The following DOCK3 variants were observed in gnomAD, a reference collection of about 807,000 sequenced individuals.
DOCK3 encodes dedicator of cytokinesis 3, also known as dedicator of cytokinesis protein 3.
In DOCK3, 60 loss-of-function variants were observed where a neutral mutation model predicts 265.6. The ratio of observed to expected loss-of-function variants is 0.23; its 90% CI spans 0.18 to 0.28. The LOEUF (loss-of-function observed/expected upper bound fraction) is 0.28, where lower values mean the gene tolerates loss of function less well. DOCK3 is among the 10% of genes least tolerant of loss of function. The probability of loss-of-function intolerance (pLI) is 1.00; values close to 1 mark genes in which losing one functional copy is unlikely to be tolerated. For missense variants in DOCK3, 1,981 were observed against 2,594.3 expected (o/e 0.76, Z 5.14); for synonymous variants, 881 against 938.0 (o/e 0.94, Z 1.11).
At chr3:50,739,855 C>A (rs1395272612) in intron 1 of DOCK3, among the ~76,000 whole-genome samples, 1 of 152,158 alleles carries the variant, frequency 6.6e-6, no homozygotes, top group Non-Finnish European at 1.5e-5. Flanking sequence ...TATCAATTCA[C>A]CTTGACATTA....
At chr3:51,115,863 G>A (rs2083712567) in intron 9 of DOCK3, among the ~76,000 whole-genome samples, 2 of 152,084 alleles carry the variant, frequency 1.3e-5, no homozygotes, top group Admixed American at 1.3e-4. Context: ...TCTGCATATG[G>A]CTAGCCAGTT....
intron 32 of DOCK3, among the ~76,000 whole-genome samples, chr3:51,324,149 A>G (rs2083927487): frequency 6.6e-6 from 1 of 152,186 alleles, no homozygotes; most frequent in South Asian, 2.1e-4. Context: ...CTGTTTGCAG[A>G]TGACATGATT....
At chr3:51,193,982 GAGATACA>G (rs767856149) in intron 12 of DOCK3, among the ~76,000 whole-genome samples, 3 of 151,552 alleles carry the variant, frequency 2.0e-5, no homozygotes, top group Non-Finnish European at 4.4e-5. Context: ...TTAGTTCCTT[GAGATACA>G]TTGTTAGATT....
chr3:50,819,146 T>C (rs2044260922), intron 2 of DOCK3, among the ~76,000 whole-genome samples: 1 of 152,232 alleles, frequency 6.6e-6, no homozygotes, highest in Non-Finnish European at 1.5e-5. Flanking sequence ...TAATCTAGAA[T>C]TGAGTTTTGT....
intron 1 of DOCK3, among the ~76,000 whole-genome samples, chr3:50,766,603 A>G (rs1191971309): frequency 2.6e-5 from 4 of 152,178 alleles, no homozygotes; most frequent in Non-Finnish European, 5.9e-5. Flanking sequence ...GTGTCTTTAT[A>G]GCAGCATGAT....
At chr3:50,999,663 A>G (rs2078404633) in intron 5 of DOCK3, among the ~76,000 whole-genome samples, 1 of 152,168 alleles carries the variant, frequency 6.6e-6, no homozygotes, top group African/African-American at 2.4e-5. Flanking sequence ...TTTGGTGTTC[A>G]ATAGGAATCT....
chr3:50,861,286 C>T (rs1268894919), intron 3 of DOCK3, among the ~76,000 whole-genome samples: 1 of 152,048 alleles, frequency 6.6e-6, no homozygotes, highest in Non-Finnish European at 1.5e-5. Context: ...TATTTACTCA[C>T]CCCTTTTGTT....
At chr3:51,341,176 G>C in intron 37 of DOCK3, 61 bp from the exon 38 acceptor site, 5 of 1,506,102 alleles carry the variant, frequency 3.3e-6, no homozygotes, top group Non-Finnish European at 4.4e-6. Flanking sequence ...CTGACACCAG[G>C]CTGCTCCTGG....
chr3:50,722,756 C>G (rs1238864646), intron 1 of DOCK3, among the ~76,000 whole-genome samples: 2 of 130,214 alleles, frequency 1.5e-5, no homozygotes, highest in Admixed American at 9.1e-5. Context: ...TGGGGAATTT[C>G]TTTCTTTTTC....
intron 5 of DOCK3, among the ~76,000 whole-genome samples, chr3:50,945,366 A>G (rs1298178828): frequency 6.6e-6 from 1 of 152,090 alleles, no homozygotes; most frequent in Non-Finnish European, 1.5e-5. Flanking sequence ...ATACTTTAGT[A>G]TTTAGTATAA....
At chr3:51,089,188 A>C in intron 7 of DOCK3, 55 bp from the exon 8 acceptor site, 1 of 1,552,014 alleles carries the variant, frequency 6.4e-7, no homozygotes, top group Non-Finnish European at 8.7e-7. Context: ...AAAGTTCTTA[A>C]TAAAATTTAG....
At position 51,090,282 on chromosome 3, in the gene DOCK3, A is replaced by G. The variant is rs1214172982; in HGVS notation, c.644A>G (p.His215Arg). The G allele has an allele frequency of 1.2e-6, 2 of 1,600,280 alleles. No homozygotes were observed. The highest frequency in any genetic ancestry group is 1.7e-5 in the Admixed American group (1 of 58,028). ...HGETCRMPVP[H>R]HFFLSLKSFT... Reference sequence around the variant, plus strand: ...GAAACATGTCGGATGCCAGTGCCACATCACTTCTTCCTCAGCCTGAAGAGT... The same window carrying G: ...GAAACATGTCGGATGCCAGTGCCACGTCACTTCTTCCTCAGCCTGAAGAGT... Residue 215 changes from histidine (H) to arginine (R), a missense_variant, in exon 9 of 53, where the codon CAT (histidine) becomes CGT (arginine). Around this residue, in one of 4 missense-constraint regions of DOCK3, gnomAD observed 456 missense variants for 539.0 expected, o/e 0.85. Coordinates refer to ENST00000266037, the MANE Select transcript of DOCK3 (RefSeq NM_004947.5).
chr3:50,983,976 T>C (rs922390537), intron 5 of DOCK3, among the ~76,000 whole-genome samples: 3 of 152,188 alleles, frequency 2.0e-5, no homozygotes, highest in Admixed American at 2.0e-4. Flanking sequence ...GGAAGCTGCT[T>C]GTGGTGCACC....
At chr3:50,721,531 C>T (rs781175080) in intron 1 of DOCK3, among the ~76,000 whole-genome samples, 3 of 152,112 alleles carry the variant, frequency 2.0e-5, no homozygotes, top group Non-Finnish European at 4.4e-5. Flanking sequence ...GCTGTCTATT[C>T]TGTTCAATTT....
intron 7 of DOCK3, among the ~76,000 whole-genome samples, chr3:51,080,978 T>C (rs1445392777): frequency 6.6e-6 from 1 of 152,120 alleles, no homozygotes; most frequent in Admixed American, 6.6e-5. Flanking sequence ...TTCTATATGA[T>C]GTTTTGCCCA....
intron 31 of DOCK3, 47 bp downstream of exon 31, chr3:51,312,949 A>G (rs767528256): frequency 2.7e-5 from 41 of 1,516,712 alleles, no homozygotes; most frequent in Admixed American, 1.2e-4. Context: ...TGCATAGCCA[A>G]ATAGAAAGTA....
chr3:50,738,302 C>T lies in DOCK3; in HGVS notation c.38-40373C>T, dbSNP rs554975477. ...AGCCTGGTGCTGGAGTTACCAGGCA[C>T]CAAACTGGCAATTGGAGCCTGAAAG... On this transcript the variant is annotated intron_variant, in intron 1 of 52. Coordinates refer to ENST00000266037, the MANE Select transcript of DOCK3 (RefSeq NM_004947.5). 3.3e-5 allele frequency among the ~76,000 whole-genome samples: 5 copies of T among 152,246 alleles called. No individual in the cohort carries two copies. In the South Asian group the frequency reaches 6.2e-4, roughly 19 times the overall value.
At chr3:50,950,391 A>T (rs1444361773) in intron 5 of DOCK3, among the ~76,000 whole-genome samples, 1 of 152,184 alleles carries the variant, frequency 6.6e-6, no homozygotes, top group African/African-American at 2.4e-5. Context: ...GAATTAAAAC[A>T]TTTCTCTGGG....
At chr3:51,073,198 A>G (rs1368302564) in intron 6 of DOCK3, among the ~76,000 whole-genome samples, 1 of 152,204 alleles carries the variant, frequency 6.6e-6, no homozygotes, top group African/African-American at 2.4e-5. Context: ...AGTGTTTTAC[A>G]TATTACTATT....
Sources: allele counts gnomAD v4.1 joint callset (sites outside exome capture counted in the v4.1 genomes callset), GRCh38; gene constraint gnomAD v4.1.1; regional missense constraint gnomAD v4.1.1; transcripts MANE v1.5; gene names NCBI Gene and HGNC (gene_info 2026-07-23, HGNC 2026-07-21).